Variants in PRKG2 observed in about 807,000 individuals in gnomAD.
PRKG2 encodes the protein cGMP-dependent protein kinase 2.
A neutral mutation model predicts 97.2 loss-of-function variants in PRKG2; 33 were observed. The ratio of observed to expected loss-of-function variants is 0.34; its 90% confidence interval spans 0.26 to 0.45. PRKG2 has a LOEUF of 0.45. PRKG2 is among the 20% of genes least tolerant of loss of function. PRKG2 has a pLI of 1.00. For synonymous variants in PRKG2, 330 were observed against 321.8 expected, an observed-to-expected ratio of 1.03 and a Z score of -0.27; for missense variants, 638 against 900.0, an observed-to-expected ratio of 0.71 and a Z score of 3.73.
At chr4:81,145,377 A>G (rs1356916014) in intron 9 of PRKG2, among the ~76,000 whole-genome samples, 1 of 152,182 alleles carries the variant, frequency 6.6e-6, no homozygotes, top group East Asian at 1.9e-4. Flanking sequence ...AAGTTAAGCT[A>G]TATATATTTT....
At chr4:81,174,552 C>A (rs1318116614) in intron 3 of PRKG2, among the ~76,000 whole-genome samples, 1 of 151,926 alleles carries the variant, frequency 6.6e-6, no homozygotes, top group Non-Finnish European at 1.5e-5. Flanking sequence ...AAAATGTGAT[C>A]TCTCTATCAA....
intron 1 of PRKG2, among the ~76,000 whole-genome samples, chr4:81,208,513 C>T (rs921810849): frequency 7.2e-5 from 11 of 152,116 alleles, no homozygotes; most frequent in African/African-American, 2.2e-4. Context: ...CCTGAAACTC[C>T]TGGGCTCAAG....
At chr4:81,194,222 C>A (rs1262715424) in intron 2 of PRKG2, among the ~76,000 whole-genome samples, 2 of 152,078 alleles carry the variant, frequency 1.3e-5, no homozygotes, top group Non-Finnish European at 2.9e-5. Context: ...AGAAACTTGA[C>A]AAAATTAAGA....
chr4:81,101,038 A>C (rs1742699138), intron 17 of PRKG2, among the ~76,000 whole-genome samples: 1 of 152,028 alleles, frequency 6.6e-6, no homozygotes, highest in Non-Finnish European at 1.5e-5. Context: ...ACCAGTTAGA[A>C]TGGCGATCAT....
At chr4:81,211,780 A>G (rs1435864807) in intron 1 of PRKG2, among the ~76,000 whole-genome samples, 3 of 152,212 alleles carry the variant, frequency 2.0e-5, no homozygotes, top group Non-Finnish European at 2.9e-5. Flanking sequence ...AAACATTGCC[A>G]TATGAGATTC....
intron 16 of PRKG2, among the ~76,000 whole-genome samples, chr4:81,105,122 G>A (rs1238979700): frequency 4.6e-5 from 7 of 152,120 alleles, no homozygotes; most frequent in African/African-American, 1.4e-4. Flanking sequence ...TGTGGCACAT[G>A]AGAAAATTCG....
At position 81,088,018 on chromosome 4, in the gene PRKG2, T is replaced by C. The variant is rs774397161; in HGVS notation, c.*1690A>G. 2.0e-5 allele frequency: 3 copies of C among 152,118 alleles called. No individual in the cohort carries two copies. The highest frequency in any genetic ancestry group is 4.8e-5 in the African/African-American group (2 of 41,448). The allele number at this position is 152,118 out of a possible 1,614,324, so 9.4% of individuals were successfully genotyped here. ...AATATATACATGGAAAAACATACAG[T>C]ACAAACCAACCAAATTCAAATAAAA... On this transcript the variant is annotated 3_prime_UTR_variant, in exon 19 of 19. Coordinates refer to ENST00000264399, the MANE Select transcript of PRKG2 (RefSeq NM_006259.3).
intron 2 of PRKG2, among the ~76,000 whole-genome samples, chr4:81,182,190 G>A (rs905481867): frequency 1.7e-4 from 26 of 151,424 alleles, no homozygotes; most frequent in Non-Finnish European, 3.7e-4. Context: ...AATGAATAGA[G>A]GGACAAAAGT....
intron 6 of PRKG2, 157 bp from the exon 7 acceptor site, chr4:81,153,878 G>A (rs1361790118): frequency 5.2e-6 from 3 of 581,582 alleles, no homozygotes; most frequent in Non-Finnish European, 9.1e-6. Context: ...ACTAGGGAGT[G>A]CCAGACAGTG....
At chr4:81,167,696 T>C (rs1218473456) in intron 5 of PRKG2, among the ~76,000 whole-genome samples, 1 of 152,072 alleles carries the variant, frequency 6.6e-6, no homozygotes, top group Admixed American at 6.6e-5. Context: ...GGAATTGACA[T>C]TGAAATGATC....
intron 18 of PRKG2, among the ~76,000 whole-genome samples, chr4:81,091,505 G>A (rs1364096132): frequency 6.6e-6 from 1 of 151,708 alleles, no homozygotes; most frequent in African/African-American, 2.4e-5. Context: ...GGATGGTCTC[G>A]ATCTCCTGAC....
intron 2 of PRKG2, among the ~76,000 whole-genome samples, chr4:81,193,641 A>AC: frequency 6.6e-6 from 1 of 152,206 alleles, no homozygotes; most frequent in East Asian, 1.9e-4. Flanking sequence ...GGAGTTCTAG[A>AC]CCAGCCTGGC....
intron 13 of PRKG2, 107 bp downstream of exon 13, chr4:81,137,286 A>G: frequency 1.2e-6 from 1 of 838,256 alleles, no homozygotes; most frequent in South Asian, 1.6e-5. Context: ...TATTTTATCA[A>G]GGGATATTTT....
Position 81,092,395 on chromosome 4 carries a change from C to G in PRKG2, c.2184G>C (p.Leu728Phe). ...GLKARSLPSPLQRELKGPIDH... is the reference protein window; with the variant it reads ...GLKARSLPSPFQRELKGPIDH... Reference sequence around the variant, plus strand: ...ATAATAAATACAATACCTCTCTTTGCAAAGGTGATGGAAGGCTCCGTGCTT... The same window carrying G: ...ATAATAAATACAATACCTCTCTTTGGAAAGGTGATGGAAGGCTCCGTGCTT... The change falls in exon 18 of 19, where the codon TTG (leucine) becomes TTC (phenylalanine). Residue 728 changes from leucine to phenylalanine, a missense_variant. By Grantham distance (22) the Leu-to-Phe change is conservative. Coordinates refer to ENST00000264399, the MANE Select transcript of PRKG2 (RefSeq NM_006259.3). 6.3e-6 allele frequency: 10 copies of G among 1,579,536 alleles called. No homozygotes were observed. Among genetic ancestry groups the G allele is most frequent in the Non-Finnish European group, 8.7e-6 (10 of 1,155,126 alleles).
chr4:81,095,978 C>T (rs551513030), intron 17 of PRKG2, among the ~76,000 whole-genome samples: 10 of 152,200 alleles, frequency 6.6e-5, no homozygotes, highest in Non-Finnish European at 5.9e-5. Context: ...TTTTAAAATA[C>T]TTTATTGCTA....
chr4:81,205,798 G>C (rs1463711670), intron 1 of PRKG2, among the ~76,000 whole-genome samples: 1 of 152,144 alleles, frequency 6.6e-6, no homozygotes, highest in Non-Finnish European at 1.5e-5. Flanking sequence ...CATTGGTGTA[G>C]TGTGGGAAGT....
chr4:81,087,428 T>C lies in PRKG2; in HGVS notation c.*2280A>G, dbSNP rs1433709357. On this transcript the variant is annotated 3_prime_UTR_variant, in exon 19 of 19. Transcript: ENST00000264399. Reference sequence around the variant, plus strand: ...TTTAAAAGAAAAAAAAGACAGATACTGGATTTGATAAGTACAATTCTGCAT... The same window carrying C: ...TTTAAAAGAAAAAAAAGACAGATACCGGATTTGATAAGTACAATTCTGCAT... The C allele has an allele frequency of 3.3e-5, 5 of 152,096 alleles. No individual in the cohort carries two copies. The highest frequency in any genetic ancestry group is 5.9e-5 in the Non-Finnish European group (4 of 67,962). The allele number at this position is 152,096 out of a possible 1,614,324, so 9.4% of individuals were successfully genotyped here. A position where few individuals can be genotyped will look rare whatever the true frequency, so the allele number is the denominator to read the frequency against.
At chr4:81,100,466 C>G (rs563004888) in intron 17 of PRKG2, among the ~76,000 whole-genome samples, 4 of 151,984 alleles carry the variant, frequency 2.6e-5, no homozygotes, top group African/African-American at 9.7e-5. Flanking sequence ...AATGGGGAAA[C>G]GATTCTCTAT....
intron 12 of PRKG2, among the ~76,000 whole-genome samples, chr4:81,138,795 T>G (rs933180741): frequency 4.0e-5 from 6 of 151,840 alleles, no homozygotes; most frequent in Non-Finnish European, 8.8e-5. Flanking sequence ...CTGAAGCTGC[T>G]CATCATAGCT....
Sources: allele counts gnomAD v4.1 joint callset (sites outside exome capture counted in the v4.1 genomes callset), GRCh38; gene constraint gnomAD v4.1.1; transcripts MANE v1.5; gene names NCBI Gene and HGNC (gene_info 2026-07-23, HGNC 2026-07-21).